Variants in SLCO3A1 observed in about 807,000 individuals in gnomAD.
SLCO3A1 encodes PGE1 transporter.
SLCO3A1 carries 27 observed loss-of-function variants against 63.1 expected under a neutral mutation model. The observed-to-expected ratio is 0.43, with a 90% confidence interval of 0.32 to 0.59. SLCO3A1 has a LOEUF of 0.59. Ranked by LOEUF, SLCO3A1 falls within the 20% of genes least tolerant of loss-of-function variation. The pLI is 0.09. For missense variants in SLCO3A1, 773 were observed against 945.8 expected (o/e 0.82, Z 2.40); for synonymous variants, 473 against 409.9 (o/e 1.15, Z -1.86).
At chr15:92,130,958 C>T (rs2047988123) in intron 7 of SLCO3A1, among the ~76,000 whole-genome samples, 1 of 151,784 alleles carries the variant, frequency 6.6e-6, no homozygotes, top group Non-Finnish European at 1.5e-5. Flanking sequence ...ACAGTGATCC[C>T]CTGGAATTCT....
chr15:91,944,668 C>T (rs569405972), intron 2 of SLCO3A1, among the ~76,000 whole-genome samples: 22 of 152,104 alleles, frequency 1.4e-4, no homozygotes, highest in African/African-American at 5.3e-4. Context: ...ATCCTTCCCA[C>T]TCTCCCCCGA....
intron 2 of SLCO3A1, among the ~76,000 whole-genome samples, chr15:91,953,837 C>A (rs117715330): frequency 3.9e-5 from 6 of 152,232 alleles, no homozygotes; most frequent in Non-Finnish European, 8.8e-5. Flanking sequence ...ACACCCGTCT[C>A]CATCCAACAG....
At chr15:92,032,933 C>A (rs149007309) in intron 2 of SLCO3A1, among the ~76,000 whole-genome samples, 4 of 9,366 alleles carry the variant, frequency 4.3e-4, no homozygotes, top group East Asian at 2.6e-3. Flanking sequence ...TGGGGCGGGG[C>A]GGGCGGGGTG....
At chr15:91,873,539 C>T (rs1426709624) in intron 1 of SLCO3A1, among the ~76,000 whole-genome samples, 1 of 150,460 alleles carries the variant, frequency 6.6e-6, no homozygotes, top group Non-Finnish European at 1.5e-5. Flanking sequence ...CATACACACA[C>T]ACACACACAC....
intron 1 of SLCO3A1, among the ~76,000 whole-genome samples, chr15:91,867,553 G>C (rs538288669): frequency 6.6e-6 from 1 of 150,902 alleles, no homozygotes; most frequent in East Asian, 1.9e-4. Flanking sequence ...GGCCTCGGAT[G>C]TATCAGTTCT....
At chr15:92,153,537 C>A (rs1301529759) in intron 9 of SLCO3A1, 3 of 152,202 alleles carry the variant, frequency 2.0e-5, no homozygotes. Context: ...AATGTGAAGG[C>A]CGGCAAAGAC....
intron 7 of SLCO3A1, among the ~76,000 whole-genome samples, chr15:92,143,480 A>T (rs866707981): frequency 1.6e-5 from 1 of 61,520 alleles, no homozygotes; most frequent in Non-Finnish European, 2.7e-5. Flanking sequence ...ATATATATAT[A>T]TATTATATAT....
intron 2 of SLCO3A1, among the ~76,000 whole-genome samples, chr15:91,940,533 C>A (rs1338108723): frequency 1.3e-5 from 2 of 152,188 alleles, no homozygotes; most frequent in African/African-American, 4.8e-5. Flanking sequence ...TAGTGAATTT[C>A]AAATCAGTGC....
At chr15:91,935,056 C>T (rs1381987984) in intron 2 of SLCO3A1, among the ~76,000 whole-genome samples, 1 of 152,190 alleles carries the variant, frequency 6.6e-6, no homozygotes, top group Non-Finnish European at 1.5e-5. Context: ...TGGGTTCAAG[C>T]AATTTTCCTG....
At chr15:92,079,530 A>G (rs1340182365) in intron 2 of SLCO3A1, among the ~76,000 whole-genome samples, 1 of 152,170 alleles carries the variant, frequency 6.6e-6, no homozygotes, top group East Asian at 1.9e-4. Context: ...TCTGGGTCCA[A>G]ATCCCTAAGG....
chr15:91,940,176 G>A (rs1425561928), intron 2 of SLCO3A1, among the ~76,000 whole-genome samples: 1 of 152,126 alleles, frequency 6.6e-6, no homozygotes, highest in Non-Finnish European at 1.5e-5. Context: ...GCTCCTGCCT[G>A]GCATTGGAGC....
intron 2 of SLCO3A1, among the ~76,000 whole-genome samples, chr15:91,998,453 C>G (rs8033170): frequency 0.025 from 3,760 of 148,748 alleles, 146 homozygotes; most frequent in African/African-American, 0.088. Flanking sequence ...GACTCTGCCT[C>G]AAAAATAAAA....
rs1387500557 is a variant in SLCO3A1, at chr15:92,042,202, C to T, written c.647-52679C>T. Among the ~76,000 whole-genome samples, 6 of 152,198 alleles carry T rather than the reference C, an allele frequency of 3.9e-5. No individual in the cohort carries two copies. In the South Asian group the frequency reaches 8.3e-4, roughly 21 times the overall value. ...ATCTTTCCTTGAGTAAACACTTTTACTCTTTCTTTTTACTGCTACCATTTA... is the reference window on the plus strand; with the variant it reads ...ATCTTTCCTTGAGTAAACACTTTTATTCTTTCTTTTTACTGCTACCATTTA... On this transcript the variant is annotated intron_variant, in intron 2 of 9. Transcript: ENST00000318445.
chr15:91,857,088 ATG>A (rs1421917170), intron 1 of SLCO3A1, among the ~76,000 whole-genome samples: 1 of 136,926 alleles, frequency 7.3e-6, no homozygotes, highest in South Asian at 2.5e-4. Context: ...GAGAGAGAAA[ATG>A]TGTGTGTGTG....
intron 6 of SLCO3A1, among the ~76,000 whole-genome samples, chr15:92,127,092 G>A (rs919938687): frequency 2.6e-5 from 4 of 152,220 alleles, no homozygotes; most frequent in African/African-American, 9.6e-5. Context: ...GCAGAACAGA[G>A]GCAGCTTTCT....
intron 2 of SLCO3A1, among the ~76,000 whole-genome samples, chr15:91,960,049 T>C (rs1567039375): frequency 6.6e-6 from 1 of 152,024 alleles, no homozygotes; most frequent in African/African-American, 2.4e-5. Flanking sequence ...AGTGGCACAA[T>C]CTCGGCTCAC....
At chr15:92,151,131 T>TTC in intron 9 of SLCO3A1, 117 bp downstream of exon 9, 1 of 753,884 alleles carries the variant, frequency 1.3e-6, no homozygotes, top group Non-Finnish European at 2.1e-6. Flanking sequence ...TGCAGTTTAA[T>TTC]TATTAGTAAA....
intron 2 of SLCO3A1, among the ~76,000 whole-genome samples, chr15:91,919,113 G>A (rs765493513): frequency 9.2e-5 from 14 of 152,188 alleles, no homozygotes; most frequent in African/African-American, 2.9e-4. Context: ...CACCTGCCCC[G>A]GGTCACCCGC....
rs375638320 is a variant in SLCO3A1, at chr15:92,017,718, G to A, written c.647-77163G>A. 2.4e-4 allele frequency among the ~76,000 whole-genome samples: 36 copies of A among 152,252 alleles called. No homozygotes were observed. The South Asian group carries it at 7.1e-3, about 30-fold the overall frequency. On this transcript the variant is annotated intron_variant, in intron 2 of 9. Transcript: ENST00000318445. ...TGATTCTTGTGGAGGATTGGCTCAG[G>A]AGTTCACAGGGATGAGCGAAAAGGG...
Sources: gnomAD v4.1 joint callset for allele counts (sites outside exome capture counted in the v4.1 genomes callset) on GRCh38, gnomAD v4.1.1 for gene constraint, MANE v1.5 for transcripts, NCBI Gene and HGNC (gene_info 2026-07-23, HGNC 2026-07-21) for gene names.